SPAST: variants seen among roughly 807,000 people sequenced by gnomAD.
SPAST encodes spastin.
Under a neutral mutation model 76.6 loss-of-function variants are expected in SPAST, and 30 were observed. The ratio of observed to expected loss-of-function variants is 0.39; its 90% CI spans 0.29 to 0.53. The LOEUF (loss-of-function observed/expected upper bound fraction) is 0.53. Ranked by LOEUF, SPAST falls within the 20% of genes least tolerant of loss-of-function variation. The probability of loss-of-function intolerance (pLI) is 0.68; values close to 1 mark genes in which losing one functional copy is unlikely to be tolerated. For missense variants in SPAST, 717 were observed against 770.5 expected, an observed-to-expected ratio of 0.93 and a Z score of 0.82; for synonymous variants, 305 against 281.0, an observed-to-expected ratio of 1.09 and a Z score of -0.86.
intron 13 of SPAST, among the ~76,000 whole-genome samples, 160 bp from the exon 14 acceptor site, chr2:32,143,176 G>A (rs1464433286): frequency 6.6e-6 from 1 of 152,092 alleles, no homozygotes; most frequent in Non-Finnish European, 1.5e-5. Context: ...GCTGAGATGG[G>A]AGGATTGCTT....
In SPAST at chr2:32,132,431, T is replaced by A. The variant is rs181457736; in HGVS notation, c.1245+3952T>A. On this transcript the variant is annotated intron_variant, in intron 9 of 16. Transcript: ENST00000315285. ...AAAAAGAAAATTGAAATGTCTAGTC[T>A]ATCATTTTGTCAGTTCTATCTAATA... Among the ~76,000 whole-genome samples, 567 of 152,222 alleles carry A rather than the reference T, an allele frequency of 3.7e-3. 5 individuals carry two copies. The highest frequency in any genetic ancestry group is 0.013 in the African/African-American group (558 of 41,524).
At chr2:32,071,386 C>A (rs1213769836) in intron 1 of SPAST, among the ~76,000 whole-genome samples, 1 of 152,172 alleles carries the variant, frequency 6.6e-6, no homozygotes, top group African/African-American at 2.4e-5. Flanking sequence ...AAATATTTTT[C>A]TGTTCATAGT....
intron 7 of SPAST, among the ~76,000 whole-genome samples, chr2:32,125,985 C>T (rs972821992): frequency 1.3e-5 from 2 of 151,990 alleles, no homozygotes; most frequent in Non-Finnish European, 2.9e-5. Flanking sequence ...TTAGTAGAGA[C>T]GGGGTTTCAT....
intron 16 of SPAST, among the ~76,000 whole-genome samples, chr2:32,150,925 G>T (rs1399277295): frequency 6.7e-6 from 1 of 148,560 alleles, no homozygotes; most frequent in East Asian, 2.0e-4. Context: ...AGGTTATATT[G>T]TTACAATATT....
Position 32,063,871 on chromosome 2 carries a change from G to A in SPAST, c.40G>A (p.Gly14Ser). ...TGGACGAGGGAAGAAGAAAGGCTCC[G>A]GCGGCGCCAGCAACCCGGTGCCTCC... ...PGGRGKKKGS[G>S]GASNPVPPRP... Residue 14 changes from glycine to serine, a missense_variant, in exon 1 of 17, where the codon GGC becomes AGC. Gly to Ser is a moderately conservative substitution (Grantham distance 56, BLOSUM62 0). Transcript: ENST00000315285. 1.3e-6 allele frequency: 2 copies of A among 1,585,326 alleles called. No homozygotes were observed. The highest frequency in any genetic ancestry group is 1.1e-5 in the South Asian group (1 of 88,668).
chr2:32,134,741 G>A (rs931320261), intron 9 of SPAST, among the ~76,000 whole-genome samples: 7 of 152,202 alleles, frequency 4.6e-5, no homozygotes, highest in African/African-American at 1.4e-4. Flanking sequence ...TTCGCCCCAG[G>A]CCGAAGTGCA....
chr2:32,114,486 G>A (rs946390341), intron 4 of SPAST, 152 bp from the exon 5 acceptor site: 7 of 668,300 alleles, frequency 1.0e-5, no homozygotes, highest in Non-Finnish European at 1.8e-5. Context: ...CCACCCCTAT[G>A]AAGATCCTGG....
In SPAST at chr2:32,156,496, A is replaced by G. The variant is rs1047034132; in HGVS notation, c.*2000A>G. The stretch of plus-strand genomic sequence containing the variant: ...TTCAAGCCAGAGCTATGCATATGTT[A>G]GGTGATGGGTAGTATCCCTTTAAGG... On this transcript the variant is annotated 3_prime_UTR_variant, in exon 17 of 17. Coordinates refer to ENST00000315285, the MANE Select transcript of SPAST (RefSeq NM_014946.4). 6.6e-6 allele frequency: 1 copy of G among 152,170 alleles called. No homozygotes were observed. The highest frequency in any genetic ancestry group is 2.4e-5 in the African/African-American group (1 of 41,442). 9.4% of individuals were successfully genotyped at this position (152,170 alleles called of 1,614,324 possible). A position where few individuals can be genotyped will look rare whatever the true frequency, so the allele number is the denominator to read the frequency against.
chr2:32,140,250 G>C (rs1051206476), intron 12 of SPAST, among the ~76,000 whole-genome samples: 1 of 151,840 alleles, frequency 6.6e-6, no homozygotes, highest in African/African-American at 2.4e-5. Context: ...TTCTTTCCTT[G>C]GTGGTTTTTT....
chr2:32,097,361 G>C (rs1271243345), intron 3 of SPAST, among the ~76,000 whole-genome samples: 3 of 152,130 alleles, frequency 2.0e-5, no homozygotes, highest in Admixed American at 1.3e-4. Flanking sequence ...ATTTTAACAA[G>C]TTTGAGTGTG....
chr2:32,126,062 T>A (rs1679181929), intron 7 of SPAST, among the ~76,000 whole-genome samples: 1 of 152,226 alleles, frequency 6.6e-6, no homozygotes, highest in Non-Finnish European at 1.5e-5. Context: ...CCCAAAGTGC[T>A]GGGATTACAG....
intron 9 of SPAST, among the ~76,000 whole-genome samples, chr2:32,134,357 C>T (rs929567047): frequency 2.0e-4 from 30 of 151,736 alleles, no homozygotes; most frequent in African/African-American, 6.5e-4. Context: ...AAAAAATTAG[C>T]GGGGTGTGGT....
chr2:32,107,398 C>A (rs1678366542), intron 4 of SPAST, among the ~76,000 whole-genome samples: 1 of 152,082 alleles, frequency 6.6e-6, no homozygotes, highest in Admixed American at 6.5e-5. Context: ...ACTACAGGCA[C>A]CTGCCACCAC....
intron 8 of SPAST, chr2:32,127,808 A>G (rs1341490497): frequency 2.0e-5 from 3 of 152,120 alleles, no homozygotes; most frequent in African/African-American, 7.2e-5. Context: ...TTATCTTTGT[A>G]TATCTAAGAA....
chr2:32,079,549 C>T (rs530483773), intron 1 of SPAST, among the ~76,000 whole-genome samples: 74 of 151,578 alleles, frequency 4.9e-4, no homozygotes, highest in African/African-American at 1.6e-3. Flanking sequence ...CATGTACACC[C>T]GCCACCCCAC....
chr2:32,157,000 A>T lies in SPAST; in HGVS notation c.*2504A>T, dbSNP rs886055980. 6 of 152,328 alleles carry T rather than the reference A, an allele frequency of 3.9e-5. No individual in the cohort carries two copies. Among genetic ancestry groups the T allele is most frequent in the African/African-American group, 1.4e-4 (6 of 41,456 alleles). 9.4% of individuals were successfully genotyped at this position (152,328 alleles called of 1,614,324 possible). On this transcript the variant is annotated 3_prime_UTR_variant, in exon 17 of 17. Coordinates refer to ENST00000315285, the MANE Select transcript of SPAST (RefSeq NM_014946.4). ...GAAGGGCCATGAAAATAGAGTAATG[A>T]TATAGTAGGAGATAAGGGATTGGTT...
At chr2:32,136,670 C>G in intron 10 of SPAST, 32 bp downstream of exon 10, 6 of 1,535,088 alleles carry the variant, frequency 3.9e-6, no homozygotes, top group East Asian at 2.2e-5. Flanking sequence ...AAGTTATTGA[C>G]TATTTGTGAA....
rs548148649 is a variant in SPAST, at chr2:32,154,241, T to G, written c.1729-133T>G. ...AATATATTTAAATGGCTGACATAATTTTCTAAGAATACATACACGTATATT... is the reference window on the plus strand; with the variant it reads ...AATATATTTAAATGGCTGACATAATGTTCTAAGAATACATACACGTATATT... On this transcript the variant is annotated intron_variant, in intron 16 of 16. Coordinates refer to ENST00000315285, the MANE Select transcript of SPAST (RefSeq NM_014946.4). 3 of 744,942 alleles carry G rather than the reference T, an allele frequency of 4.0e-6. No homozygotes were observed. The Admixed American group carries it at 8.1e-5, about 20-fold the overall frequency. The allele number at this position is 744,942 out of a possible 1,614,324, so 46.1% of individuals were successfully genotyped here.
chr2:32,069,099 G>C (rs1676642963), intron 1 of SPAST, among the ~76,000 whole-genome samples: 1 of 151,896 alleles, frequency 6.6e-6, no homozygotes. Context: ...TGTAGTCCCG[G>C]GTACTTGGGA....
Sources: allele counts gnomAD v4.1 joint callset (sites outside exome capture counted in the v4.1 genomes callset), GRCh38; gene constraint gnomAD v4.1.1; transcripts MANE v1.5; gene names NCBI Gene and HGNC (gene_info 2026-07-23, HGNC 2026-07-21).